Variants in MAGI2 observed in about 807,000 individuals in gnomAD.
MAGI2 encodes membrane-associated guanylate kinase, WW and PDZ domain-containing protein 2.
Under a neutral mutation model 133.3 loss-of-function variants are expected in MAGI2, and 35 were observed. The ratio of observed to expected loss-of-function variants is 0.26; its 90% CI spans 0.20 to 0.35. The LOEUF (loss-of-function observed/expected upper bound fraction) is 0.35. MAGI2 is among the 10% of genes least tolerant of loss of function. The pLI is 1.00. For missense variants in MAGI2, 1,636 were observed against 1,863.4 expected, an observed-to-expected ratio of 0.88 and a Z score of 2.25; for synonymous variants, 729 against 710.6, an observed-to-expected ratio of 1.03 and a Z score of -0.41.
intron 20 of MAGI2, among the ~76,000 whole-genome samples, chr7:78,123,499 G>A (rs1342490610): frequency 2.0e-5 from 3 of 152,182 alleles, no homozygotes; most frequent in African/African-American, 7.2e-5. Flanking sequence ...GCACTTTGGG[G>A]CCATTACTAA....
At chr7:78,690,101 G>GA (rs1172871738) in intron 2 of MAGI2, among the ~76,000 whole-genome samples, 1 of 151,806 alleles carries the variant, frequency 6.6e-6, no homozygotes, top group African/African-American at 2.4e-5. Context: ...CATTTTCTTA[G>GA]AAAAAAATCC....
At chr7:78,799,311 T>C (rs1284207022) in intron 2 of MAGI2, among the ~76,000 whole-genome samples, 3 of 152,176 alleles carry the variant, frequency 2.0e-5, no homozygotes, top group Non-Finnish European at 4.4e-5. Flanking sequence ...AAGCATTACC[T>C]GGTTTGGCCT....
rs200204276 is a variant in MAGI2, at chr7:78,719,186, AAAGGT to A, written c.419-91952_419-91948del. Among the ~76,000 whole-genome samples the A allele has an allele frequency of 2.8e-3, 421 of 152,324 alleles. 7 individuals carry two copies. In the South Asian group the frequency reaches 0.044, roughly 16 times the overall value. ...AACCAATTAATAGGATGTTAAAGAA[AAAGGT>A]AAGAATTTGTTTGAACTCAAGGATC... is the stretch of plus-strand genomic sequence containing the variant. On this transcript the variant is annotated intron_variant, in intron 2 of 21. Coordinates refer to ENST00000354212, the MANE Select transcript of MAGI2 (RefSeq NM_012301.4).
At chr7:78,861,970 A>G (rs1229606262) in intron 2 of MAGI2, among the ~76,000 whole-genome samples, 2 of 152,220 alleles carry the variant, frequency 1.3e-5, no homozygotes, top group Non-Finnish European at 2.9e-5. Context: ...ATTAATGTGG[A>G]ATACCAATTA....
At chr7:78,026,391 G>C (rs980479850) in intron 21 of MAGI2, among the ~76,000 whole-genome samples, 2 of 152,198 alleles carry the variant, frequency 1.3e-5, no homozygotes, top group Non-Finnish European at 2.9e-5. Flanking sequence ...CAGTAAATAA[G>C]TATCTGTATT....
chr7:78,557,097 A>AAAAAAAAAGAAAG (rs1554473311), intron 3 of MAGI2, among the ~76,000 whole-genome samples: 2 of 138,952 alleles, frequency 1.4e-5, no homozygotes, highest in African/African-American at 6.0e-5. Flanking sequence ...AAAAAAAAAA[A>AAAAAAAAAGAAAG]AAAGAAAAAG....
intron 21 of MAGI2, among the ~76,000 whole-genome samples, chr7:78,048,965 G>A (rs190638713): frequency 0.017 from 2,551 of 151,486 alleles, 74 homozygotes; most frequent in African/African-American, 0.058. Context: ...AAAATTAGCC[G>A]GGCGTGGTGG....
At chr7:78,117,076 G>T (rs1819941588) in intron 20 of MAGI2, among the ~76,000 whole-genome samples, 1 of 150,350 alleles carries the variant, frequency 6.7e-6, no homozygotes, top group South Asian at 2.1e-4. Flanking sequence ...GGATGAGTTT[G>T]CAGGTGTCTT....
intron 2 of MAGI2, among the ~76,000 whole-genome samples, chr7:78,885,459 T>C (rs921170408): frequency 3.9e-5 from 6 of 152,200 alleles, no homozygotes; most frequent in Admixed American, 6.5e-5. Flanking sequence ...CCTGAGGCTT[T>C]ATACTGTGCT....
chr7:78,455,804 TA>T (rs1184445703), intron 6 of MAGI2, among the ~76,000 whole-genome samples: 1 of 152,138 alleles, frequency 6.6e-6, no homozygotes, highest in African/African-American at 2.4e-5. Context: ...TCTGTTTAAT[TA>T]TTTTTTTTCG....
chr7:79,200,322 C>CAA (rs147327986), intron 1 of MAGI2, among the ~76,000 whole-genome samples: 286 of 151,862 alleles, frequency 1.9e-3, no homozygotes, highest in Non-Finnish European at 3.4e-3. Context: ...ACAACTGTTT[C>CAA]AAACACTTTC....
intron 1 of MAGI2, among the ~76,000 whole-genome samples, chr7:79,427,198 A>G (rs115800733): frequency 0.011 from 1,624 of 152,232 alleles, 20 homozygotes; most frequent in African/African-American, 0.037. Context: ...AAGGAAAGGG[A>G]CTAAGAAGAT....
At chr7:78,772,881 C>T (rs1825702380) in intron 2 of MAGI2, among the ~76,000 whole-genome samples, 1 of 152,208 alleles carries the variant, frequency 6.6e-6, no homozygotes, top group Non-Finnish European at 1.5e-5. Flanking sequence ...TAAAAGATTT[C>T]ACTTTATAGC....
At chr7:78,176,950 C>CACACACACACACACACACAT (rs988630917) in intron 14 of MAGI2, among the ~76,000 whole-genome samples, 31 of 147,338 alleles carry the variant, frequency 2.1e-4, no homozygotes, top group African/African-American at 7.8e-4. Context: ...CACACACACA[C>CACACACACACACACACACAT]ATATATAGTA....
chr7:78,686,220 T>C (rs73145178), intron 2 of MAGI2, among the ~76,000 whole-genome samples: 7,681 of 152,180 alleles, frequency 0.05, 278 homozygotes, highest in Non-Finnish European at 0.077. Flanking sequence ...ATTTTATCTT[T>C]TACCGAGATT....
At chr7:78,628,339 T>C (rs1382945264) in intron 2 of MAGI2, among the ~76,000 whole-genome samples, 1 of 152,218 alleles carries the variant, frequency 6.6e-6, no homozygotes, top group East Asian at 1.9e-4. Context: ...GCAGGCTTCA[T>C]ATATATAGAC....
chr7:78,521,079 A>G (rs1211922522), intron 4 of MAGI2, among the ~76,000 whole-genome samples: 1 of 152,182 alleles, frequency 6.6e-6, no homozygotes, highest in Non-Finnish European at 1.5e-5. Flanking sequence ...TTACACAACC[A>G]TATATAAGAC....
intron 6 of MAGI2, among the ~76,000 whole-genome samples, chr7:78,382,310 A>G (rs552032743): frequency 1.2e-4 from 18 of 152,026 alleles, no homozygotes; most frequent in African/African-American, 3.6e-4. Flanking sequence ...TTCTCTGAGT[A>G]TATCTTTTTC....
At chr7:78,135,676 C>T (rs1822042183) in intron 16 of MAGI2, among the ~76,000 whole-genome samples, 2 of 152,088 alleles carry the variant, frequency 1.3e-5, no homozygotes, top group Non-Finnish European at 2.9e-5. Flanking sequence ...ACAATAAATG[C>T]CAGAAATTCA....
Sources: allele counts gnomAD v4.1 joint callset (sites outside exome capture counted in the v4.1 genomes callset), GRCh38; gene constraint gnomAD v4.1.1; transcripts MANE v1.5; gene names NCBI Gene and HGNC (gene_info 2026-07-23, HGNC 2026-07-21).